SRGAP3: variants seen among roughly 807,000 people sequenced by gnomAD.
SRGAP3 encodes the protein SLIT-ROBO Rho GTPase-activating protein 3.
In SRGAP3, 39 loss-of-function variants were observed where a neutral mutation model predicts 121.1. The observed-to-expected ratio is 0.32, with a 90% CI of 0.25 to 0.42. SRGAP3 has a LOEUF of 0.42. Among genes scored for constraint, SRGAP3 ranks in the 10% least tolerant of loss-of-function variants. SRGAP3 has a pLI of 1.00. For missense variants in SRGAP3, 1,213 were observed against 1,470.6 expected (o/e 0.82, Z 2.86); for synonymous variants, 601 against 570.0 (o/e 1.05, Z -0.77).
At chr3:8,994,558 G>A (rs750649941) in intron 18 of SRGAP3, 35 bp from the exon 19 acceptor site, 12 of 1,607,532 alleles carry the variant, frequency 7.5e-6, no homozygotes, top group Non-Finnish European at 1.0e-5. Context: ...CGTCTCTGAG[G>A]TCAGCAAAGT....
In SRGAP3 at chr3:9,047,444, A is replaced by C. The variant is rs1234703676; in HGVS notation, c.1355T>G (p.Leu452Arg). The change falls in exon 10 of 22, where the codon CTC becomes CGC. Residue 452 changes from leucine (L) to arginine (R), a missense_variant. Coordinates refer to ENST00000383836, the MANE Select transcript of SRGAP3 (RefSeq NM_014850.4). Reference sequence around the variant, plus strand: ...GTGCTTGGCCTGCAGCTTGGTGATGAGGTTACTGCCATTCACATACTCTTT... The same window carrying C: ...GTGCTTGGCCTGCAGCTTGGTGATGCGGTTACTGCCATTCACATACTCTTT... ...KFKEYVNGSN[L>R]ITKLQAKHDL... The C allele has an allele frequency of 6.2e-7, 1 of 1,614,172 alleles. No individual in the cohort carries two copies. Among genetic ancestry groups the C allele is most frequent in the South Asian group, 1.1e-5 (1 of 91,086 alleles).
intron 1 of SRGAP3, among the ~76,000 whole-genome samples, chr3:9,232,792 G>C (rs1953263622): frequency 6.6e-6 from 1 of 152,196 alleles, no homozygotes; most frequent in African/African-American, 2.4e-5. Context: ...TAGAATTCAA[G>C]TTCCTTGAAT....
rs1040379933 is a variant in SRGAP3 at position 9,124,978 on chromosome 3, G to A, written c.68-61C>T. 19 of 1,591,962 alleles carry A rather than the reference G, an allele frequency of 1.2e-5. No individual in the cohort carries two copies. In the Admixed American group the frequency reaches 2.0e-4, roughly 17 times the overall value. On this transcript the variant is annotated intron_variant, in intron 1 of 21. Coordinates refer to ENST00000383836, the MANE Select transcript of SRGAP3 (RefSeq NM_014850.4). ...GGTGGGGACGGGGGCACTGGGGCCC[G>A]CTCTGCTGCTGGCCTGGGCCCTGCA...
At chr3:8,989,681 C>CA (rs1304884112) in intron 21 of SRGAP3, among the ~76,000 whole-genome samples, 3 of 152,080 alleles carry the variant, frequency 2.0e-5, no homozygotes, top group Non-Finnish European at 2.9e-5. Flanking sequence ...ATAGAACTGT[C>CA]AAAAAACCCA....
chr3:9,158,404 A>G (rs1361823214), intron 1 of SRGAP3, among the ~76,000 whole-genome samples: 2 of 152,192 alleles, frequency 1.3e-5, no homozygotes, highest in Non-Finnish European at 2.9e-5. Context: ...TCCACTGTCA[A>G]TATTAAGGCC....
At chr3:9,321,077 C>T (rs1411775485) in intron 3 of SRGAP3, among the ~76,000 whole-genome samples, 1 of 151,824 alleles carries the variant, frequency 6.6e-6, no homozygotes, top group Non-Finnish European at 1.5e-5. Context: ...TCCTGAGATG[C>T]CAGCTTTTGG....
At chr3:9,345,510 C>T (rs1028991993) in intron 1 of SRGAP3, among the ~76,000 whole-genome samples, 22 of 145,544 alleles carry the variant, frequency 1.5e-4, no homozygotes, top group African/African-American at 5.1e-4. Flanking sequence ...AGGCCAGGTG[C>T]GGTGGCTAAC....
rs142128392 is a variant in SRGAP3 at position 9,108,807 on chromosome 3, G to A, written c.261-3965C>T. Among the ~76,000 whole-genome samples, 39 of 152,234 alleles carry A rather than the reference G, an allele frequency of 2.6e-4. No homozygotes were observed. In the East Asian group the frequency reaches 6.8e-3, roughly 26 times the overall value. On this transcript the variant is annotated intron_variant, in intron 2 of 21. Coordinates refer to ENST00000383836, the MANE Select transcript of SRGAP3 (RefSeq NM_014850.4). ...TTTTGGTAAGAGGACCAGGCAGGAG[G>A]TAATCTTAGTTCAAAAGAGAAATAG...
chr3:9,213,077 G>A (rs1332038981), intron 1 of SRGAP3, among the ~76,000 whole-genome samples: 1 of 152,138 alleles, frequency 6.6e-6, no homozygotes, highest in Non-Finnish European at 1.5e-5. Flanking sequence ...TTCTCGACCT[G>A]GTGTCCTTCT....
At chr3:9,132,898 AAGT>A (rs1158547951) in intron 1 of SRGAP3, among the ~76,000 whole-genome samples, 1 of 126,586 alleles carries the variant, frequency 7.9e-6, no homozygotes, top group Non-Finnish European at 1.8e-5. Context: ...AGGGTATATA[AAGT>A]TTTACTCCCA....
rs148156088 is a variant in SRGAP3, at chr3:9,248,315, C to T, written c.67+570G>A. Among the ~76,000 whole-genome samples the T allele has an allele frequency of 2.8e-4, 42 of 152,250 alleles. No individual in the cohort carries two copies. The South Asian group carries it at 3.3e-3, about 12-fold the overall frequency. The stretch of plus-strand genomic sequence containing the variant: ...CTGCATTAGTCTGGATCAATATGCC[C>T]CATAACAGTTAATCCATGGCAACCC... On this transcript the variant is annotated intron_variant, in intron 1 of 21. Transcript: ENST00000383836.
chr3:9,114,069 T>C (rs771134081), intron 2 of SRGAP3, among the ~76,000 whole-genome samples: 1 of 152,136 alleles, frequency 6.6e-6, no homozygotes, highest in African/African-American at 2.4e-5. Flanking sequence ...ATTCCATCCA[T>C]TGAGTCCCCT....
intron 8 of SRGAP3, 135 bp from the exon 9 acceptor site, chr3:9,053,359 T>C: frequency 2.2e-6 from 2 of 924,550 alleles, no homozygotes; most frequent in Middle Eastern, 6.4e-4. Context: ...AAATAATCCT[T>C]CTCACTGTAT....
chr3:9,033,181 C>T (rs6762129), intron 11 of SRGAP3, among the ~76,000 whole-genome samples: 50,494 of 152,108 alleles, frequency 0.33, 8,519 homozygotes, highest in Non-Finnish European at 0.36. Flanking sequence ...AAATTTATCA[C>T]CAAGTCTCAA....
intron 9 of SRGAP3, chr3:9,049,388 C>T (rs1301829808): frequency 2.2e-6 from 1 of 455,972 alleles, no homozygotes; most frequent in African/African-American, 2.0e-5. Context: ...ATCCACAGAG[C>T]ACTTGACAGT....
chr3:9,352,804 T>C (rs2030267204), intron 1 of SRGAP3, among the ~76,000 whole-genome samples: 1 of 152,222 alleles, frequency 6.6e-6, no homozygotes, highest in African/African-American at 2.4e-5. Flanking sequence ...ATCACCTGTA[T>C]AACACGGCTA....
chr3:9,231,253 A>G (rs1339306736), intron 1 of SRGAP3, among the ~76,000 whole-genome samples: 7 of 152,204 alleles, frequency 4.6e-5, no homozygotes, highest in East Asian at 1.9e-4. Context: ...CTGGGGGGGC[A>G]TTCCCGTTTC....
At chr3:9,060,664 T>G (rs1489506860) in intron 5 of SRGAP3, among the ~76,000 whole-genome samples, 2 of 152,188 alleles carry the variant, frequency 1.3e-5, no homozygotes, top group Non-Finnish European at 2.9e-5. Flanking sequence ...GATCTGGAAC[T>G]CCTGGCCTCA....
intron 3 of SRGAP3, among the ~76,000 whole-genome samples, chr3:9,275,549 G>C (rs1186953096): frequency 1.3e-5 from 2 of 152,290 alleles, no homozygotes; most frequent in South Asian, 4.1e-4. Context: ...TTGTGGGAGG[G>C]ATGTGGTGGG....
Sources: allele counts gnomAD v4.1 joint callset (sites outside exome capture counted in the v4.1 genomes callset), GRCh38; gene constraint gnomAD v4.1.1; transcripts MANE v1.5; gene names NCBI Gene and HGNC (gene_info 2026-07-23, HGNC 2026-07-21).